Variants in CNTN5 observed in about 807,000 individuals in gnomAD.
CNTN5 encodes the protein contactin-5.
A neutral mutation model predicts 129.1 loss-of-function variants in CNTN5; 77 were observed. That is an observed-to-expected ratio of 0.60 (90% confidence interval 0.50 to 0.72). CNTN5 has a LOEUF of 0.72. Among genes scored for constraint, CNTN5 ranks in the 30% least tolerant of loss-of-function variants. The probability of loss-of-function intolerance (pLI) is 0.00; values close to 1 mark genes in which losing one functional copy is unlikely to be tolerated. For missense variants in CNTN5, 1,478 were observed against 1,328.8 expected (o/e 1.11, Z -1.75); for synonymous variants, 509 against 465.6 (o/e 1.09, Z -1.20).
chr11:100,304,549 G>A (rs536145907), intron 20 of CNTN5, among the ~76,000 whole-genome samples: 10 of 151,698 alleles, frequency 6.6e-5, no homozygotes, highest in South Asian at 4.1e-4. Context: ...GGGTGATGAC[G>A]GGGGTCTAGA....
chr11:99,067,071 C>T (rs1865132516), intron 1 of CNTN5, among the ~76,000 whole-genome samples: 1 of 152,150 alleles, frequency 6.6e-6, no homozygotes, highest in South Asian at 2.1e-4. Context: ...TAGCAGTTCC[C>T]CAGTAAATCA....
At chr11:99,897,945 G>C (rs974019017) in intron 6 of CNTN5, among the ~76,000 whole-genome samples, 2 of 152,072 alleles carry the variant, frequency 1.3e-5, no homozygotes, top group Non-Finnish European at 2.9e-5. Context: ...AATGGTTGGA[G>C]AAATATCTGT....
chr11:99,053,821 AT>A (rs1864522680), intron 1 of CNTN5, among the ~76,000 whole-genome samples: 1 of 151,908 alleles, frequency 6.6e-6, no homozygotes, highest in Admixed American at 6.6e-5. Context: ...AAGTTTTGAA[AT>A]TTTTTTATTT....
chr11:100,030,500 G>A (rs562551050), intron 9 of CNTN5, among the ~76,000 whole-genome samples: 14 of 152,222 alleles, frequency 9.2e-5, no homozygotes, highest in African/African-American at 2.2e-4. Flanking sequence ...ACCTGACCCC[G>A]TTAAGCTGTG....
intron 13 of CNTN5, among the ~76,000 whole-genome samples, chr11:100,129,256 C>T (rs536448978): frequency 6.6e-6 from 1 of 152,224 alleles, no homozygotes; most frequent in South Asian, 2.1e-4. Flanking sequence ...TTTGAAGTGG[C>T]TATACCCCTT....
In CNTN5 at chr11:99,473,155, C is replaced by T. The variant is rs191957603; in HGVS notation, c.-70-82990C>T. ...TTATACTAGAATGAATTATTTTTCT[C>T]ATGTAGACAAATTATTTTTACTATT... is the stretch of plus-strand genomic sequence containing the variant. On this transcript the variant is annotated intron_variant, in intron 2 of 24. Coordinates refer to ENST00000524871, the MANE Select transcript of CNTN5 (RefSeq NM_014361.4). Among the ~76,000 whole-genome samples the T allele has an allele frequency of 2.9e-4, 44 of 152,242 alleles. No individual in the cohort carries two copies. In the East Asian group the frequency reaches 4.6e-3, roughly 16 times the overall value.
chr11:99,410,706 CA>C (rs2135006778), intron 2 of CNTN5, among the ~76,000 whole-genome samples: 1 of 152,270 alleles, frequency 6.6e-6, no homozygotes, highest in Admixed American at 6.5e-5. Flanking sequence ...TGCTGATTTG[CA>C]AAACATGGCA....
At chr11:100,218,361 G>A (rs980361005) in intron 15 of CNTN5, among the ~76,000 whole-genome samples, 3 of 152,174 alleles carry the variant, frequency 2.0e-5, no homozygotes, top group African/African-American at 7.2e-5. Context: ...AAGCAGGAAA[G>A]GATAAGTGTT....
In CNTN5 at chr11:100,123,948, A is replaced by C. The variant is rs1427612427; in HGVS notation, c.1580+49654A>C. Among the ~76,000 whole-genome samples the C allele has an allele frequency of 3.3e-5, 5 of 152,160 alleles. No individual in the cohort carries two copies. The East Asian group carries it at 9.7e-4, about 29-fold the overall frequency. On this transcript the variant is annotated intron_variant, in intron 13 of 24. Transcript: ENST00000524871. ...AACTTAATTTGAGCCTACAGTGAAG[A>C]GCTGTTAGGTAATAAAGAAGAATGT...
chr11:99,678,492 CAT>C (rs1436817225), intron 3 of CNTN5, among the ~76,000 whole-genome samples: 6 of 152,124 alleles, frequency 3.9e-5, no homozygotes, highest in Admixed American at 2.0e-4. Flanking sequence ...GAACGGGAAA[CAT>C]ATGTAATCAA....
rs3101412 is a variant in CNTN5 at position 99,288,174 on chromosome 11, G to T, written c.-209-37172G>T. Among the ~76,000 whole-genome samples, 316 of 151,924 alleles carry T rather than the reference G, an allele frequency of 2.1e-3. 2 individuals carry two copies. Among genetic ancestry groups the T allele is most frequent in the African/African-American group, 7.3e-3 (302 of 41,498 alleles). ...TGAGCCAAATGATTATGGGTAATTA[G>T]CTTGTGGAATATATGAAAGCAAATT... On this transcript the variant is annotated intron_variant, in intron 1 of 24. Coordinates refer to ENST00000524871, the MANE Select transcript of CNTN5 (RefSeq NM_014361.4).
At chr11:99,972,353 A>G (rs959311992) in intron 8 of CNTN5, among the ~76,000 whole-genome samples, 2 of 152,178 alleles carry the variant, frequency 1.3e-5, no homozygotes, top group African/African-American at 4.8e-5. Context: ...GCAGTCCTAG[A>G]AAGCAGCCTT....
intron 15 of CNTN5, among the ~76,000 whole-genome samples, chr11:100,195,322 T>C (rs1315811162): frequency 6.6e-6 from 1 of 152,122 alleles, no homozygotes; most frequent in East Asian, 1.9e-4. Context: ...ACAATACCAA[T>C]ATAAAAATGA....
intron 7 of CNTN5, among the ~76,000 whole-genome samples, chr11:99,944,198 G>A (rs1008828029): frequency 6.6e-6 from 1 of 151,966 alleles, no homozygotes; most frequent in Non-Finnish European, 1.5e-5. Flanking sequence ...GAAATTTATA[G>A]CACTAAATGC....
At chr11:99,097,250 C>A (rs1441547212) in intron 1 of CNTN5, among the ~76,000 whole-genome samples, 1 of 151,780 alleles carries the variant, frequency 6.6e-6, no homozygotes. Flanking sequence ...GGGAGGCATA[C>A]AAATATGTCA....
intron 9 of CNTN5, among the ~76,000 whole-genome samples, chr11:100,036,093 G>C (rs1005220211): frequency 6.6e-6 from 1 of 152,024 alleles, no homozygotes; most frequent in Non-Finnish European, 1.5e-5. Flanking sequence ...GGGTTTTTAT[G>C]GTTTCAGCTC....
chr11:99,550,141 T>A (rs1033541889), intron 2 of CNTN5, among the ~76,000 whole-genome samples: 2 of 152,166 alleles, frequency 1.3e-5, no homozygotes, highest in Admixed American at 1.3e-4. Context: ...CCAAAACATG[T>A]GAACACTGTG....
chr11:99,810,804 A>G (rs1435134445), intron 3 of CNTN5, among the ~76,000 whole-genome samples: 3 of 152,132 alleles, frequency 2.0e-5, no homozygotes, highest in Non-Finnish European at 4.4e-5. Context: ...GAAAAAGGTC[A>G]GGTATCAGAT....
chr11:99,098,531 T>C (rs760465001), intron 1 of CNTN5, among the ~76,000 whole-genome samples: 34 of 152,072 alleles, frequency 2.2e-4, no homozygotes, highest in Non-Finnish European at 3.4e-4. Context: ...AAATCAGCTC[T>C]CTGCTACGAG....
Sources: allele counts gnomAD v4.1 joint callset (sites outside exome capture counted in the v4.1 genomes callset), GRCh38; gene constraint gnomAD v4.1.1; transcripts MANE v1.5; gene names NCBI Gene and HGNC (gene_info 2026-07-23, HGNC 2026-07-21).